The following CHRM3 variants were observed in gnomAD, a reference collection of about 807,000 sequenced individuals.
The protein encoded by CHRM3 is cholinergic receptor muscarinic 3, also known as muscarinic acetylcholine receptor M3.
CHRM3 carries 11 observed loss-of-function variants against 41.8 expected under a neutral mutation model. The ratio of observed to expected loss-of-function variants is 0.26; its 90% CI spans 0.17 to 0.44. The LOEUF (loss-of-function observed/expected upper bound fraction) is 0.44. Among genes scored for constraint, CHRM3 ranks in the 20% least tolerant of loss-of-function variants. The pLI, the probability that CHRM3 is intolerant of heterozygous loss-of-function variation, is 1.00. For missense variants in CHRM3, 571 were observed against 745.4 expected (o/e 0.77, Z 2.72); for synonymous variants, 297 against 301.4 (o/e 0.99, Z 0.15).
rs112242951 is a variant in CHRM3 at position 239,913,497 on chromosome 1, C to T, written c.*4273C>T. The T allele has an allele frequency of 0.017, 2,898 of 167,020 alleles. 41 individuals are homozygous for T. The highest frequency in any genetic ancestry group is 0.038 in the South Asian group (185 of 4,810). The allele number at this position is 167,020 out of a possible 1,614,324, so 10.3% of individuals were successfully genotyped here. A position where few individuals can be genotyped will look rare whatever the true frequency, so the allele number is the denominator to read the frequency against. ...ACAAGTTTACTGCTTCCTTTCTACA[C>T]GCTTAAGTTACACTCTCTTCTCCTG... is the stretch of plus-strand genomic sequence containing the variant. On this transcript the variant is annotated 3_prime_UTR_variant, in exon 7 of 7. Coordinates refer to ENST00000676153, the MANE Select transcript of CHRM3 (RefSeq NM_001375978.1).
chr1:239,834,549 C>T (rs1345551469), intron 6 of CHRM3, among the ~76,000 whole-genome samples: 1 of 152,130 alleles, frequency 6.6e-6, no homozygotes, highest in Non-Finnish European at 1.5e-5. Flanking sequence ...TTACCTGCTC[C>T]TGACAGCCAA....
intron 5 of CHRM3, among the ~76,000 whole-genome samples, chr1:239,692,667 T>A (rs1659830491): frequency 6.6e-6 from 1 of 152,024 alleles, no homozygotes; most frequent in Admixed American, 6.6e-5. Context: ...TGCTTGCCAA[T>A]AGGAAATTCA....
intron 4 of CHRM3, among the ~76,000 whole-genome samples, chr1:239,666,134 A>G (rs1413067878): frequency 1.3e-5 from 2 of 151,850 alleles, no homozygotes; most frequent in Non-Finnish European, 2.9e-5. Flanking sequence ...CACTCCCACT[A>G]ACAGTGTAAA....
At chr1:239,652,829 A>C (rs1672358924) in intron 4 of CHRM3, among the ~76,000 whole-genome samples, 2 of 152,124 alleles carry the variant, frequency 1.3e-5, no homozygotes, top group African/African-American at 4.8e-5. Flanking sequence ...AAGTCGTGAA[A>C]ACCAAACAAA....
chr1:239,845,744 C>G (rs1674208626), intron 6 of CHRM3, among the ~76,000 whole-genome samples: 1 of 152,206 alleles, frequency 6.6e-6, no homozygotes, highest in Admixed American at 6.5e-5. Flanking sequence ...CAGATTAGGT[C>G]TTGCATACCG....
chr1:239,766,289 C>T lies in CHRM3; in HGVS notation c.-146-60963C>T, dbSNP rs985785497. Among the ~76,000 whole-genome samples the T allele has an allele frequency of 3.3e-5, 5 of 152,226 alleles. No individual in the cohort carries two copies. In the East Asian group the frequency reaches 9.6e-4, roughly 29 times the overall value. On this transcript the variant is annotated intron_variant, in intron 5 of 6. Transcript: ENST00000676153. ...AATGGAGGGAAAACAAGAAGAAAAG[C>T]AGTCCATGCATCACAGTGCATTGTC...
intron 6 of CHRM3, among the ~76,000 whole-genome samples, chr1:239,866,647 G>T (rs1054646579): frequency 7.2e-5 from 11 of 152,152 alleles, no homozygotes; most frequent in African/African-American, 2.7e-4. Flanking sequence ...GTTATATTAG[G>T]TAATGAATGT....
chr1:239,522,248 T>C (rs949741270), intron 2 of CHRM3, among the ~76,000 whole-genome samples: 5 of 152,152 alleles, frequency 3.3e-5, no homozygotes, highest in Admixed American at 1.3e-4. Flanking sequence ...GAGTTGTAGA[T>C]ACCATGTCAT....
intron 3 of CHRM3, among the ~76,000 whole-genome samples, chr1:239,592,469 C>T (rs1400313424): frequency 6.6e-6 from 1 of 152,104 alleles, no homozygotes; most frequent in East Asian, 1.9e-4. Context: ...CTTAAGCCAC[C>T]ACTAATTTTC....
At chr1:239,601,741 G>A (rs1665563011) in intron 3 of CHRM3, among the ~76,000 whole-genome samples, 1 of 152,096 alleles carries the variant, frequency 6.6e-6, no homozygotes, top group Non-Finnish European at 1.5e-5. Context: ...CTCTTGCTCT[G>A]CTTCTGTGGC....
intron 3 of CHRM3, among the ~76,000 whole-genome samples, chr1:239,605,017 T>C (rs1317977645): frequency 6.6e-6 from 1 of 152,214 alleles, no homozygotes; most frequent in Non-Finnish European, 1.5e-5. Flanking sequence ...GGTTTCTTTA[T>C]TGTCAAACTG....
chr1:239,447,104 T>A (rs1468669367), intron 1 of CHRM3, among the ~76,000 whole-genome samples: 1 of 152,238 alleles, frequency 6.6e-6, no homozygotes, highest in African/African-American at 2.4e-5. Context: ...CATGAGCATG[T>A]GTACGTGCAA....
chr1:239,657,807 A>G (rs1028016711), intron 4 of CHRM3, among the ~76,000 whole-genome samples: 1 of 152,164 alleles, frequency 6.6e-6, no homozygotes, highest in Non-Finnish European at 1.5e-5. Flanking sequence ...TAATAACATC[A>G]TCTGTTTCCA....
chr1:239,484,776 A>C (rs1183690028), intron 1 of CHRM3, among the ~76,000 whole-genome samples: 1 of 152,124 alleles, frequency 6.6e-6, no homozygotes, highest in Non-Finnish European at 1.5e-5. Flanking sequence ...CTCACATCCC[A>C]CACTGACATA....
chr1:239,866,363 G>C (rs1041742699), intron 6 of CHRM3, among the ~76,000 whole-genome samples: 2 of 151,334 alleles, frequency 1.3e-5, no homozygotes, highest in Admixed American at 1.3e-4. Context: ...TCCCCCCACT[G>C]CACTCCAGCC....
At chr1:239,407,405 A>AATATATATAT (rs143680510) in intron 1 of CHRM3, among the ~76,000 whole-genome samples, 2 of 136,962 alleles carry the variant, frequency 1.5e-5, no homozygotes, top group Non-Finnish European at 3.3e-5. Flanking sequence ...AATGACTATA[A>AATATATATAT]ATATATATAT....
At chr1:239,420,275 A>G (rs1661846505) in intron 1 of CHRM3, among the ~76,000 whole-genome samples, 1 of 152,114 alleles carries the variant, frequency 6.6e-6, no homozygotes, top group Admixed American at 6.5e-5. Flanking sequence ...CAAGGATTTC[A>G]TGTTTTCTTC....
chr1:239,468,759 T>C (rs1446563005), intron 1 of CHRM3, among the ~76,000 whole-genome samples: 1 of 152,232 alleles, frequency 6.6e-6, no homozygotes, highest in Admixed American at 6.5e-5. Flanking sequence ...TATCTTTTTA[T>C]GTACTAAAAC....
chr1:239,621,427 C>G (rs1415820554), intron 3 of CHRM3, among the ~76,000 whole-genome samples: 1 of 152,068 alleles, frequency 6.6e-6, no homozygotes, highest in African/African-American at 2.4e-5. Flanking sequence ...AGTGAGGGTG[C>G]CATGTGGAAA....
Sources: gnomAD v4.1 joint callset for allele counts (sites outside exome capture counted in the v4.1 genomes callset) on GRCh38, gnomAD v4.1.1 for gene constraint, MANE v1.5 for transcripts, NCBI Gene and HGNC (gene_info 2026-07-23, HGNC 2026-07-21) for gene names.